ANK3: variants seen among roughly 807,000 people sequenced by gnomAD.
ANK3 encodes the protein ankyrin-3.
A neutral mutation model predicts 370.9 loss-of-function variants in ANK3; 57 were observed. The ratio of observed to expected loss-of-function variants is 0.15; its 90% CI spans 0.12 to 0.19. The LOEUF is 0.19. Among genes scored for constraint, ANK3 ranks in the 10% least tolerant of loss-of-function variants. ANK3 has a pLI of 1.00. For missense variants in ANK3, 4,439 were observed against 5,302.1 expected (o/e 0.84, Z 5.06); for synonymous variants, 1,929 against 1,946.3 (o/e 0.99, Z 0.23).
chr10:60,166,992 G>A, intron 21 of ANK3, 96 bp from the exon 22 acceptor site: 4 of 1,030,786 alleles, frequency 3.9e-6, no homozygotes, highest in South Asian at 1.4e-5. Context: ...CTTGTGGAAT[G>A]TATGTGTTGA....
intron 32 of ANK3, chr10:60,083,886 C>G (rs1022459371): frequency 3.3e-5 from 9 of 271,982 alleles, no homozygotes; most frequent in Non-Finnish European, 5.4e-5. Flanking sequence ...TAAGAATGTG[C>G]CTGACATCAA....
intron 2 of ANK3, among the ~76,000 whole-genome samples, chr10:60,449,967 C>T (rs866065058): frequency 3.9e-4 from 54 of 138,572 alleles, no homozygotes; most frequent in African/African-American, 1.3e-3. Context: ...TTTAGTGGTG[C>T]GATGGAAAGA....
chr10:60,410,488 A>C (rs1317827359), intron 2 of ANK3, among the ~76,000 whole-genome samples: 1 of 152,144 alleles, frequency 6.6e-6, no homozygotes, highest in Admixed American at 6.6e-5. Flanking sequence ...GGGAAGAAGG[A>C]AGACGTAACC....
At chr10:60,151,317 A>G (rs1347726219) in intron 23 of ANK3, among the ~76,000 whole-genome samples, 1 of 152,172 alleles carries the variant, frequency 6.6e-6, no homozygotes. Context: ...ATGGAGGTGG[A>G]TCCCCCATGA....
intron 1 of ANK3, among the ~76,000 whole-genome samples, chr10:60,337,283 G>A (rs1020643734): frequency 6.6e-6 from 1 of 152,086 alleles, no homozygotes; most frequent in Non-Finnish European, 1.5e-5. Flanking sequence ...CACTGCTCAA[G>A]GTAGTTCCAT....
At chr10:60,250,582 G>A (rs993442666) in intron 7 of ANK3, among the ~76,000 whole-genome samples, 12 of 152,048 alleles carry the variant, frequency 7.9e-5, no homozygotes, top group African/African-American at 1.9e-4. Context: ...AGCCAGGATG[G>A]TCTCGATCTC....
At chr10:60,656,481 A>G (rs1260505820) in intron 1 of ANK3, among the ~76,000 whole-genome samples, 1 of 151,496 alleles carries the variant, frequency 6.6e-6, no homozygotes, top group Non-Finnish European at 1.5e-5. Flanking sequence ...ATTTCCCTCT[A>G]TGGTTTGTCT....
At chr10:60,398,112 G>C (rs1248744481) in intron 2 of ANK3, among the ~76,000 whole-genome samples, 3 of 152,150 alleles carry the variant, frequency 2.0e-5, no homozygotes, top group African/African-American at 7.2e-5. Context: ...AAAGCAACCA[G>C]AGACAATATG....
chr10:60,103,033 C>T (rs11596060), intron 28 of ANK3, among the ~76,000 whole-genome samples: 5,691 of 152,110 alleles, frequency 0.037, 173 homozygotes, highest in Non-Finnish European at 0.058. Flanking sequence ...TCACTGCAAC[C>T]TGCGCCTCCC....
intron 7 of ANK3, among the ~76,000 whole-genome samples, chr10:60,247,911 C>T (rs1184239060): frequency 6.6e-6 from 1 of 152,180 alleles, no homozygotes; most frequent in Admixed American, 6.5e-5. Context: ...AGATGATGTG[C>T]CTGCCTCAGC....
chr10:60,261,568 A>G (rs1167262782), intron 7 of ANK3, among the ~76,000 whole-genome samples: 1 of 152,188 alleles, frequency 6.6e-6, no homozygotes, highest in Non-Finnish European at 1.5e-5. Flanking sequence ...TTAGGGAACT[A>G]TTTGTTGTCC....
At chr10:60,611,314 G>A (rs538982459) in intron 2 of ANK3, among the ~76,000 whole-genome samples, 1 of 152,226 alleles carries the variant, frequency 6.6e-6, no homozygotes, top group Admixed American at 6.5e-5. Context: ...GGACACACCT[G>A]GCCGCCCGCT....
chr10:60,275,616 T>C (rs1158097702), intron 4 of ANK3, among the ~76,000 whole-genome samples: 1 of 152,124 alleles, frequency 6.6e-6, no homozygotes, highest in African/African-American at 2.4e-5. Flanking sequence ...ATCTGAACCA[T>C]AACCAAAGTC....
chr10:60,042,577 G>A (rs1428174356), intron 43 of ANK3, 95 bp downstream of exon 43: 13 of 1,237,934 alleles, frequency 1.1e-5, no homozygotes, highest in Admixed American at 2.3e-5. Flanking sequence ...CAGTGAAAAG[G>A]AAAGGACGGG....
intron 21 of ANK3, among the ~76,000 whole-genome samples, chr10:60,168,868 A>G (rs1265576387): frequency 6.6e-6 from 1 of 152,212 alleles, no homozygotes; most frequent in Non-Finnish European, 1.5e-5. Flanking sequence ...TGCAAAGGAC[A>G]TGATATCATT....
At chr10:60,283,588 T>A (rs2098198578) in intron 1 of ANK3, among the ~76,000 whole-genome samples, 1 of 152,134 alleles carries the variant, frequency 6.6e-6, no homozygotes, top group Non-Finnish European at 1.5e-5. Flanking sequence ...GAAATGAAAG[T>A]TTATTTTATT....
intron 1 of ANK3, among the ~76,000 whole-genome samples, chr10:60,654,166 C>A (rs944309912): frequency 6.6e-6 from 1 of 151,948 alleles, no homozygotes; most frequent in Admixed American, 6.6e-5. Flanking sequence ...ATATATTTTT[C>A]TTATATCCTG....
chr10:60,372,510 G>C (rs2060236539), intron 1 of ANK3, among the ~76,000 whole-genome samples: 2 of 152,180 alleles, frequency 1.3e-5, no homozygotes, highest in Non-Finnish European at 2.9e-5. Flanking sequence ...GCATATGGGT[G>C]GCCATGACAG....
chr10:60,601,766 A>G (rs1188318418), intron 2 of ANK3, among the ~76,000 whole-genome samples: 1 of 152,182 alleles, frequency 6.6e-6, no homozygotes, highest in Non-Finnish European at 1.5e-5. Flanking sequence ...TAAATGTGTC[A>G]TGGTAATAGA....
Sources: allele counts gnomAD v4.1 joint callset (sites outside exome capture counted in the v4.1 genomes callset), GRCh38; gene constraint gnomAD v4.1.1; transcripts MANE v1.5; gene names NCBI Gene and HGNC (gene_info 2026-07-23, HGNC 2026-07-21).